PPM1L: variants seen among roughly 807,000 people sequenced by gnomAD.
PPM1L encodes protein phosphatase 1L.
Under a neutral mutation model 31.4 loss-of-function variants are expected in PPM1L, and 13 were observed. The ratio of observed to expected loss-of-function variants is 0.41; its 90% confidence interval spans 0.27 to 0.66. The LOEUF (loss-of-function observed/expected upper bound fraction) is 0.66. Among genes scored for constraint, PPM1L ranks in the 30% least tolerant of loss-of-function variants. PPM1L has a pLI of 0.29. For synonymous variants in PPM1L, 184 were observed against 175.4 expected (o/e 1.05, Z -0.39); for missense variants, 326 against 453.7 (o/e 0.72, Z 2.56).
At chr3:160,771,379 C>T (rs932842953) in intron 1 of PPM1L, among the ~76,000 whole-genome samples, 54 of 151,740 alleles carry the variant, frequency 3.6e-4, no homozygotes, top group African/African-American at 1.3e-3. Context: ...ACCACAGCCT[C>T]CTGACACACA....
chr3:161,052,308 C>T (rs899304360), intron 2 of PPM1L, among the ~76,000 whole-genome samples: 1 of 152,170 alleles, frequency 6.6e-6, no homozygotes, highest in African/African-American at 2.4e-5. Context: ...CTCTTTGTCT[C>T]CCTTGCATCT....
chr3:160,995,137 G>A (rs1169569670), intron 2 of PPM1L, among the ~76,000 whole-genome samples: 1 of 152,142 alleles, frequency 6.6e-6, no homozygotes, highest in Non-Finnish European at 1.5e-5. Context: ...CTCAACAAGA[G>A]CAACTATAAT....
At chr3:160,920,219 A>G (rs1576714264) in intron 1 of PPM1L, among the ~76,000 whole-genome samples, 1 of 152,156 alleles carries the variant, frequency 6.6e-6, no homozygotes, top group Admixed American at 6.5e-5. Context: ...GCCAGTGCCC[A>G]CAGCCATTTG....
At chr3:160,832,639 C>T (rs1367391967) in intron 1 of PPM1L, among the ~76,000 whole-genome samples, 2 of 151,938 alleles carry the variant, frequency 1.3e-5, no homozygotes. Context: ...ACTAAGCTTC[C>T]CCCAGTGATA....
At chr3:160,798,542 A>C (rs141466374) in intron 1 of PPM1L, among the ~76,000 whole-genome samples, 1 of 152,196 alleles carries the variant, frequency 6.6e-6, no homozygotes, top group Non-Finnish European at 1.5e-5. Context: ...ATGATAGCAC[A>C]TCTGTTCACA....
At chr3:160,815,754 G>C (rs1041068793) in intron 1 of PPM1L, among the ~76,000 whole-genome samples, 5 of 152,198 alleles carry the variant, frequency 3.3e-5, no homozygotes, top group Admixed American at 2.0e-4. Context: ...CAAAGAGAAG[G>C]GGAAGGGTGA....
intron 1 of PPM1L, among the ~76,000 whole-genome samples, chr3:160,814,364 A>G (rs1712899528): frequency 1.3e-5 from 2 of 152,134 alleles, no homozygotes; most frequent in Admixed American, 1.3e-4. Context: ...CGTTATATGA[A>G]AAAGACACTC....
intron 1 of PPM1L, among the ~76,000 whole-genome samples, chr3:160,895,073 A>G (rs1465296898): frequency 6.6e-6 from 1 of 152,186 alleles, no homozygotes; most frequent in African/African-American, 2.4e-5. Flanking sequence ...TAGAGGTTAG[A>G]TGTAACCAGG....
At chr3:160,894,529 G>A (rs1713269238) in intron 1 of PPM1L, among the ~76,000 whole-genome samples, 1 of 152,262 alleles carries the variant, frequency 6.6e-6, no homozygotes, top group Non-Finnish European at 1.5e-5. Context: ...TAGGAAAGAA[G>A]GACTCCTAAA....
At chr3:160,930,177 T>C (rs1714737162) in intron 1 of PPM1L, among the ~76,000 whole-genome samples, 2 of 152,246 alleles carry the variant, frequency 1.3e-5, no homozygotes, top group East Asian at 1.9e-4. Context: ...CTTTTACAAA[T>C]GTACACGTGG....
chr3:160,776,070 T>C (rs190304454), intron 1 of PPM1L, among the ~76,000 whole-genome samples: 2 of 152,202 alleles, frequency 1.3e-5, no homozygotes, highest in Non-Finnish European at 2.9e-5. Context: ...TTATCTAATA[T>C]CTCTCTCACT....
At chr3:161,036,056 ACT>A (rs201249218) in intron 2 of PPM1L, 1,676 of 152,288 alleles carry the variant, frequency 0.011, 15 homozygotes, top group Non-Finnish European at 0.016. Flanking sequence ...AAAAGATCAG[ACT>A]CTGCTTTGAC....
At chr3:160,902,086 C>T (rs1011481786) in intron 1 of PPM1L, among the ~76,000 whole-genome samples, 1 of 151,948 alleles carries the variant, frequency 6.6e-6, no homozygotes, top group South Asian at 2.1e-4. Context: ...AATAGAAATG[C>T]ATAAAATGTG....
chr3:160,814,975 GATACAA>G (rs1427997260), intron 1 of PPM1L, among the ~76,000 whole-genome samples: 1 of 152,006 alleles, frequency 6.6e-6, no homozygotes, highest in Non-Finnish European at 1.5e-5. Context: ...GCATAAGAAT[GATACAA>G]TGGACTTTCG....
chr3:161,067,911 G>A (rs1020953098), intron 3 of PPM1L, among the ~76,000 whole-genome samples: 5 of 152,136 alleles, frequency 3.3e-5, no homozygotes, highest in Admixed American at 3.3e-4. Flanking sequence ...CACTGGTCTC[G>A]CCCTGAAGAA....
At chr3:160,868,847 C>CTTT (rs767438708) in intron 1 of PPM1L, among the ~76,000 whole-genome samples, 29 of 152,218 alleles carry the variant, frequency 1.9e-4, no homozygotes, top group Non-Finnish European at 2.2e-4. Context: ...CACAACAGAA[C>CTTT]TTTAAGAAGT....
chr3:161,012,540 GT>G (rs1401263711), intron 2 of PPM1L, among the ~76,000 whole-genome samples: 5 of 151,830 alleles, frequency 3.3e-5, no homozygotes, highest in Non-Finnish European at 5.9e-5. Flanking sequence ...CATAAAATGA[GT>G]TAGGGAGGAT....
At chr3:161,024,282 A>G (rs1215072501) in intron 2 of PPM1L, among the ~76,000 whole-genome samples, 1 of 151,414 alleles carries the variant, frequency 6.6e-6, no homozygotes. Context: ...AAAAAAAAAA[A>G]GATTTTTGGA....
At chr3:160,957,694 G>A (rs750987511) in intron 1 of PPM1L, among the ~76,000 whole-genome samples, 1 of 150,216 alleles carries the variant, frequency 6.7e-6, no homozygotes, top group Non-Finnish European at 1.5e-5. Context: ...CTCCTGCCTC[G>A]GCCTCCCAAG....
Sources: gnomAD v4.1 joint callset for allele counts (sites outside exome capture counted in the v4.1 genomes callset) on GRCh38, gnomAD v4.1.1 for gene constraint, MANE v1.5 for transcripts, NCBI Gene and HGNC (gene_info 2026-07-23, HGNC 2026-07-21) for gene names.